Variants in AK9 observed in about 807,000 individuals in gnomAD.
AK9 encodes the protein adenylate kinase domain containing 1.
In AK9, 191 loss-of-function variants were observed where a neutral mutation model predicts 239.6. That is an observed-to-expected ratio of 0.80 (90% confidence interval 0.71 to 0.90). AK9 has a LOEUF of 0.90. Among genes scored for constraint, AK9 ranks in the 40% least tolerant of loss-of-function variants. AK9 has a pLI of 0.00. For synonymous variants in AK9, 689 were observed against 721.0 expected (o/e 0.96, Z 0.71); for missense variants, 1,995 against 2,214.7 (o/e 0.90, Z 1.99).
At chr6:109,590,755 T>G (rs140043570) in intron 17 of AK9, among the ~76,000 whole-genome samples, 110 of 152,322 alleles carry the variant, frequency 7.2e-4, no homozygotes, top group Admixed American at 2.0e-3. Flanking sequence ...TTAAAAAATT[T>G]CCACCTTAAT....
At chr6:109,634,615 G>T (rs1432121001) in intron 10 of AK9, among the ~76,000 whole-genome samples, 2 of 152,192 alleles carry the variant, frequency 1.3e-5, no homozygotes, top group African/African-American at 2.4e-5. Context: ...CATGTGCACT[G>T]CAGGGATACT....
chr6:109,608,171 C>T (rs1793137002), intron 17 of AK9, among the ~76,000 whole-genome samples: 1 of 150,924 alleles, frequency 6.6e-6, no homozygotes, highest in African/African-American at 2.4e-5. Flanking sequence ...CCCACGTACT[C>T]AGGAGTCTGA....
intron 1 of AK9, among the ~76,000 whole-genome samples, chr6:109,686,060 C>G (rs1453116918): frequency 1.3e-5 from 2 of 152,048 alleles, no homozygotes; most frequent in South Asian, 4.1e-4. Flanking sequence ...CTTTTCAATC[C>G]CTATCAAGAA....
intron 17 of AK9, among the ~76,000 whole-genome samples, chr6:109,598,088 T>C (rs1419231679): frequency 3.9e-5 from 6 of 152,306 alleles, no homozygotes; most frequent in Non-Finnish European, 7.3e-5. Flanking sequence ...ATATTTTAAA[T>C]TATACTTTAA....
At chr6:109,529,373 G>C (rs1780941947) in intron 28 of AK9, among the ~76,000 whole-genome samples, 1 of 152,070 alleles carries the variant, frequency 6.6e-6, no homozygotes, top group Non-Finnish European at 1.5e-5. Context: ...GGTTTTGGTG[G>C]CAGGAAATAG....
intron 27 of AK9, among the ~76,000 whole-genome samples, chr6:109,534,579 T>C (rs1480742569): frequency 6.6e-6 from 1 of 150,998 alleles, no homozygotes; most frequent in Non-Finnish European, 1.5e-5. Context: ...CAAATTTCCA[T>C]ATATTGGCCA....
At chr6:109,521,821 AC>A (rs1375601404) in intron 29 of AK9, among the ~76,000 whole-genome samples, 1 of 152,030 alleles carries the variant, frequency 6.6e-6, no homozygotes, top group Admixed American at 6.6e-5. Context: ...TGCTACAATT[AC>A]ATTTGCCCCA....
intron 20 of AK9, among the ~76,000 whole-genome samples, chr6:109,578,766 T>C (rs928197617): frequency 1.3e-5 from 2 of 152,230 alleles, no homozygotes; most frequent in African/African-American, 4.8e-5. Flanking sequence ...GTTCAAATAA[T>C]TTTTAAATTT....
intron 32 of AK9, among the ~76,000 whole-genome samples, chr6:109,512,717 C>A (rs1218710089): frequency 1.4e-5 from 2 of 144,780 alleles, no homozygotes; most frequent in East Asian, 2.1e-4. Context: ...TGTGACCACC[C>A]ACTGTTCTTG....
At chr6:109,599,238 A>C (rs1338281923) in intron 17 of AK9, among the ~76,000 whole-genome samples, 1 of 152,052 alleles carries the variant, frequency 6.6e-6, no homozygotes, top group African/African-American at 2.4e-5. Context: ...ATCCATCTTG[A>C]ATTAATTTTT....
At chr6:109,648,691 A>T (rs1006489421) in intron 8 of AK9, among the ~76,000 whole-genome samples, 5 of 152,246 alleles carry the variant, frequency 3.3e-5, no homozygotes, top group Non-Finnish European at 7.3e-5. Flanking sequence ...ATTCCTTCTG[A>T]AACTATTCCA....
intron 21 of AK9, among the ~76,000 whole-genome samples, chr6:109,567,880 AAT>A (rs1394284079): frequency 3.2e-5 from 3 of 94,666 alleles, no homozygotes; most frequent in Admixed American, 1.3e-4. Context: ...CTTAAAGTAA[AAT>A]AAAAAAAAAA....
At chr6:109,561,805 T>C (rs1225019564) in intron 24 of AK9, among the ~76,000 whole-genome samples, 1 of 152,228 alleles carries the variant, frequency 6.6e-6, no homozygotes, top group Non-Finnish European at 1.5e-5. Flanking sequence ...TAATATTTTC[T>C]TCATGTTTCT....
chr6:109,665,815 G>A (rs941360537), intron 5 of AK9, among the ~76,000 whole-genome samples: 35 of 152,156 alleles, frequency 2.3e-4, no homozygotes, highest in Admixed American at 2.3e-3. Flanking sequence ...TCCCTATGCT[G>A]GTAATACTTC....
intron 5 of AK9, among the ~76,000 whole-genome samples, chr6:109,669,950 A>G (rs1311732023): frequency 1.3e-5 from 2 of 152,206 alleles, no homozygotes; most frequent in African/African-American, 2.4e-5. Context: ...TGTGGCCCCC[A>G]GACTCAGGAA....
rs73519209 is a variant in AK9, at chr6:109,584,730, T to C, written c.2114+393A>G. Among the ~76,000 whole-genome samples the C allele has an allele frequency of 6.1e-3, 930 of 152,220 alleles. 14 individuals carry two copies. Among genetic ancestry groups the C allele is most frequent in the African/African-American group, 0.021 (884 of 41,572 alleles). On this transcript the variant is annotated intron_variant, in intron 19 of 40. Transcript: ENST00000424296. The stretch of plus-strand genomic sequence containing the variant: ...GTAGAACTTAGTCAGGCTTTGGATT[T>C]TAGTCATGTCGCACAAGTACTATAT...
intron 29 of AK9, 144 bp from the exon 30 acceptor site, chr6:109,516,786 T>A: frequency 1.4e-6 from 1 of 722,462 alleles, no homozygotes; most frequent in Non-Finnish European, 2.2e-6. Flanking sequence ...CAATAAGGTT[T>A]TAAATATCTG....
rs188124363 is a variant in AK9 at position 109,597,742 on chromosome 6, T to A, written c.1843-11670A>T. On this transcript the variant is annotated intron_variant, in intron 17 of 40. Coordinates refer to ENST00000424296, the MANE Select transcript of AK9 (RefSeq NM_001145128.3). ...GAAGAAATAATTCAACTGGGGGGCATAAGGCAGAAGAAGAGACAGAGGCAA... is the reference window on the plus strand; with the variant it reads ...GAAGAAATAATTCAACTGGGGGGCAAAAGGCAGAAGAAGAGACAGAGGCAA... Among the ~76,000 whole-genome samples the A allele has an allele frequency of 1.4e-3, 217 of 151,680 alleles. 1 individual carries two copies. The highest frequency in any genetic ancestry group is 5.0e-3 in the African/African-American group (208 of 41,360).
intron 12 of AK9, among the ~76,000 whole-genome samples, chr6:109,626,683 G>A (rs1334288393): frequency 2.0e-5 from 3 of 152,138 alleles, no homozygotes; most frequent in Non-Finnish European, 2.9e-5. Flanking sequence ...AATTTTGCAA[G>A]CAACTGTAAC....
Sources: gnomAD v4.1 joint callset for allele counts (sites outside exome capture counted in the v4.1 genomes callset) on GRCh38, gnomAD v4.1.1 for gene constraint, MANE v1.5 for transcripts, NCBI Gene and HGNC (gene_info 2026-07-23, HGNC 2026-07-21) for gene names.